FAM131B: variants seen among roughly 807,000 people sequenced by gnomAD.
The protein encoded by FAM131B is protein FAM131B.
A neutral mutation model predicts 42.0 loss-of-function variants in FAM131B; 19 were observed. The observed-to-expected ratio is 0.45, with a 90% CI of 0.32 to 0.66. The LOEUF (loss-of-function observed/expected upper bound fraction) is 0.66. Ranked by LOEUF, FAM131B falls within the 30% of genes least tolerant of loss-of-function variation. The pLI is 0.05. For missense variants in FAM131B, 370 were observed against 468.4 expected (o/e 0.79, Z 1.94); for synonymous variants, 183 against 177.6 (o/e 1.03, Z -0.24).
chr7:143,376,487 T>C, the FAM131B span, among the ~76,000 whole-genome samples: 1 of 152,212 alleles, frequency 6.6e-6, no homozygotes, highest in Admixed American at 6.5e-5. Flanking sequence ...GGGCTGACCC[T>C]GAAGAAAGAA....
chr7:143,382,063 C>G, the FAM131B span: 5 of 616,964 alleles, frequency 8.1e-6, no homozygotes, highest in Non-Finnish European at 1.4e-5. Context: ...CACCACTCCT[C>G]GGCAGTGCGC....
chr7:143,372,822 C>T, the FAM131B span, among the ~76,000 whole-genome samples: 6 of 151,836 alleles, frequency 4.0e-5, no homozygotes, highest in African/African-American at 9.7e-5. Context: ...AACCAGGTGT[C>T]GTGGTGGGCA....
At chr7:143,362,994 T>G (rs1252693010), upstream of FAM131B, among the ~76,000 whole-genome samples, 1 of 151,922 alleles carries the variant, frequency 6.6e-6, no homozygotes, top group Non-Finnish European at 1.5e-5. This position sits in a 1 kb window ranked among gnomAD's most constrained non-coding sequence, Gnocchi z 7.7. Context: ...AACCCCGGCT[T>G]GGGTTTCAGG....
chr7:143,356,446 A>T lies in FAM131B; in HGVS notation c.*104T>A. On this transcript the variant is annotated 3_prime_UTR_variant, in exon 7 of 7. Coordinates refer to ENST00000443739, the MANE Select transcript of FAM131B (RefSeq NM_001031690.3). The surrounding 1 kb of genome is among the most constrained non-coding windows in gnomAD (Gnocchi z 4.4). ...GGACTGGAAGCTCCTGGGTTCCCCA[A>T]TGTTGTCTGCCCAGTTTCAGCTGTA... The T allele has an allele frequency of 1.2e-6, 1 of 828,572 alleles. No individual in the cohort carries two copies. Among genetic ancestry groups the T allele is most frequent in the Non-Finnish European group, 1.9e-6 (1 of 514,454 alleles). The allele number at this position is 828,572 out of a possible 1,614,324, so 51.3% of individuals were successfully genotyped here.
At chr7:143,381,359 C>T in the FAM131B span, 5 of 1,154,974 alleles carry the variant, frequency 4.3e-6, no homozygotes, top group Non-Finnish European at 3.2e-6. Flanking sequence ...AGTCTGCGGA[C>T]CCGGCGCCGA....
At chr7:143,362,966 C>T (rs563560041), upstream of FAM131B, among the ~76,000 whole-genome samples, 18 of 152,106 alleles carry the variant, frequency 1.2e-4, no homozygotes, top group South Asian at 3.7e-3. This position sits in a 1 kb window ranked among gnomAD's most constrained non-coding sequence, Gnocchi z 7.7. Flanking sequence ...GCCCCGCTCC[C>T]GGGGCTCTCT....
chr7:143,359,829 C>CTGAGGAAGGGGG lies in FAM131B; in HGVS notation c.139-63_139-62insCCCCCTTCCTCA. 1 of 1,484,790 alleles carries CTGAGGAAGGGGG rather than the reference C, an allele frequency of 6.7e-7. No homozygotes were observed. The highest frequency in any genetic ancestry group is 9.2e-7 in the Non-Finnish European group (1 of 1,087,740). 92.0% of individuals were successfully genotyped at this position (1,484,790 alleles called of 1,614,324 possible). A position where few individuals can be genotyped will look rare whatever the true frequency, so the allele number is the denominator to read the frequency against. On this transcript the variant is annotated intron_variant, in intron 2 of 6. Coordinates refer to ENST00000443739, the MANE Select transcript of FAM131B (RefSeq NM_001031690.3). The surrounding 1 kb of genome is among the most constrained non-coding windows in gnomAD (Gnocchi z 5.4). ...CACTCGCAGGAATGCAAGGAAGCCC[C>CTGAGGAAGGGGG]CTTCCTCAGAGGGCCTTCCAGGAGT...
At chr7:143,370,545 T>C in the FAM131B span, among the ~76,000 whole-genome samples, 1 of 152,200 alleles carries the variant, frequency 6.6e-6, no homozygotes, top group African/African-American at 2.4e-5. Context: ...GTAAAGAAGC[T>C]GACTAAAACC....
chr7:143,363,944 T>C (rs1016713456), upstream of FAM131B: 1 of 152,164 alleles, frequency 6.6e-6, no homozygotes, highest in South Asian at 2.1e-4. Context: ...CAGATGAAGA[T>C]GTGCAAGAAG....
the FAM131B span, among the ~76,000 whole-genome samples, chr7:143,379,249 G>A: frequency 6.6e-6 from 1 of 152,150 alleles, no homozygotes; most frequent in African/African-American, 2.4e-5. Flanking sequence ...AAGGATTTGT[G>A]ATGAGACTTT....
chr7:143,360,691 A>C (rs1397306003), intron 1 of FAM131B: 1 of 153,736 alleles, frequency 6.5e-6, no homozygotes, highest in African/African-American at 2.4e-5. Context: ...AGAGAAACCA[A>C]GGGTGAGCTG....
chr7:143,357,798 C>T (rs1292322264), intron 5 of FAM131B, among the ~76,000 whole-genome samples: 1 of 152,120 alleles, frequency 6.6e-6, no homozygotes, highest in Admixed American at 6.5e-5. Context: ...CCACATGAGG[C>T]CAGTGGCTAA....
At position 143,359,129 on chromosome 7, in the gene FAM131B, G is replaced by A; in HGVS notation, c.269-105C>T. The stretch of plus-strand genomic sequence containing the variant: ...CAGCCCCATGAGGCTCCATCCCACT[G>A]GGCCAGGCTCCCCTAAGGACTCCAT... On this transcript the variant is annotated intron_variant, in intron 4 of 6. Coordinates refer to ENST00000443739, the MANE Select transcript of FAM131B (RefSeq NM_001031690.3). This position sits in a 1 kb window ranked among gnomAD's most constrained non-coding sequence, Gnocchi z 5.4. 1 of 1,246,766 alleles carries A rather than the reference G, an allele frequency of 8.0e-7. No homozygotes were observed. Among genetic ancestry groups the A allele is most frequent in the Non-Finnish European group, 1.1e-6 (1 of 885,676 alleles). The allele number at this position is 1,246,766 out of a possible 1,614,324, so 77.2% of individuals were successfully genotyped here. A position where few individuals can be genotyped will look rare whatever the true frequency, so the allele number is the denominator to read the frequency against.
chr7:143,358,769 A>T lies in FAM131B; in HGVS notation c.466+58T>A, dbSNP rs1803808172. On this transcript the variant is annotated intron_variant, in intron 5 of 6. Coordinates refer to ENST00000443739, the MANE Select transcript of FAM131B (RefSeq NM_001031690.3). The surrounding 1 kb of genome is among the most constrained non-coding windows in gnomAD (Gnocchi z 4.7). ...ATCCTGCCACAGGGGATCAGGTTGGAGGGTCGGTCCCTGGCCATCCTGCAA... is the reference window on the plus strand; with the variant it reads ...ATCCTGCCACAGGGGATCAGGTTGGTGGGTCGGTCCCTGGCCATCCTGCAA... 1 of 1,396,624 alleles carries T rather than the reference A, an allele frequency of 7.2e-7. No individual in the cohort carries two copies. Among genetic ancestry groups the T allele is most frequent in the Non-Finnish European group, 1.0e-6 (1 of 993,900 alleles). 86.5% of individuals were successfully genotyped at this position (1,396,624 alleles called of 1,614,324 possible).
intron 1 of FAM131B, chr7:143,361,041 A>G (rs1407432938): frequency 6.6e-6 from 1 of 152,024 alleles, no homozygotes; most frequent in African/African-American, 2.4e-5. Flanking sequence ...GGCTGCCTGA[A>G]CCATCTGACC....
the FAM131B span, chr7:143,380,935 G>A: frequency 2.6e-6 from 1 of 387,792 alleles, no homozygotes; most frequent in Non-Finnish European, 3.5e-6. This position sits in a 1 kb window ranked among gnomAD's most constrained non-coding sequence, Gnocchi z 5.0. Context: ...GGGCTGCGTG[G>A]CTACCTCGGC....
Position 143,356,226 on chromosome 7 carries a change from C to T in FAM131B, c.*324G>A, listed in dbSNP as rs560470161. Reference sequence around the variant, plus strand: ...TGAGATCCAGTCTTGAGCACAGCTGCGCTGCCCCCGTCCTCAGGGTGCACA... The same window carrying T: ...TGAGATCCAGTCTTGAGCACAGCTGTGCTGCCCCCGTCCTCAGGGTGCACA... On this transcript the variant is annotated 3_prime_UTR_variant, in exon 7 of 7. Coordinates refer to ENST00000443739, the MANE Select transcript of FAM131B (RefSeq NM_001031690.3). This position sits in a 1 kb window ranked among gnomAD's most constrained non-coding sequence, Gnocchi z 4.4. 7.0e-5 allele frequency: 24 copies of T among 345,172 alleles called. No individual in the cohort carries two copies. The highest frequency in any genetic ancestry group is 4.7e-4 in the African/African-American group (23 of 48,546). The allele number at this position is 345,172 out of a possible 1,614,324, so 21.4% of individuals were successfully genotyped here. A position where few individuals can be genotyped will look rare whatever the true frequency, so the allele number is the denominator to read the frequency against.
At chr7:143,364,852 C>CCG (rs1554442381), upstream of FAM131B, among the ~76,000 whole-genome samples, 1 of 151,968 alleles carries the variant, frequency 6.6e-6, no homozygotes, top group Non-Finnish European at 1.5e-5. Context: ...ACATACTTGG[C>CCG]GGGGGGGTTC....
rs1804041277 is a variant in FAM131B at position 143,362,349 on chromosome 7, G to A, written c.28+227C>T. On this transcript the variant is annotated intron_variant, in intron 1 of 6. Transcript: ENST00000443739. The surrounding 1 kb of genome is among the most constrained non-coding windows in gnomAD (Gnocchi z 7.7). Reference sequence around the variant, plus strand: ...ACCGCGCCTGCGGGAGGGCGACGGGGAGAAGGAAGCGAGCCGAGCGGGATG... The same window carrying A: ...ACCGCGCCTGCGGGAGGGCGACGGGAAGAAGGAAGCGAGCCGAGCGGGATG... Among the ~76,000 whole-genome samples, 1 of 152,178 alleles carries A rather than the reference G, an allele frequency of 6.6e-6. No homozygotes were observed. The highest frequency in any genetic ancestry group is 1.5e-5 in the Non-Finnish European group (1 of 68,018).
Sources: allele counts gnomAD v4.1 joint callset (sites outside exome capture counted in the v4.1 genomes callset), GRCh38; gene constraint gnomAD v4.1.1; non-coding constraint Gnocchi (gnomAD v3.1); transcripts MANE v1.5; gene names NCBI Gene and HGNC (gene_info 2026-07-23, HGNC 2026-07-21).